Variants in ITGA8 observed in about 807,000 individuals in gnomAD.
The protein encoded by ITGA8 is integrin subunit alpha 8, also known as integrin alpha-8.
Under a neutral mutation model 142.3 loss-of-function variants are expected in ITGA8, and 91 were observed. The ratio of observed to expected loss-of-function variants is 0.64; its 90% CI spans 0.54 to 0.76. ITGA8 has a LOEUF of 0.76. ITGA8 is among the 30% of genes least tolerant of loss of function. The pLI is 0.00. For synonymous variants in ITGA8, 505 were observed against 485.2 expected (o/e 1.04, Z -0.54); for missense variants, 1,406 against 1,327.7 (o/e 1.06, Z -0.92).
intron 13 of ITGA8, among the ~76,000 whole-genome samples, chr10:15,637,504 A>T (rs893818707): frequency 6.1e-5 from 8 of 131,190 alleles, no homozygotes; most frequent in Non-Finnish European, 8.3e-5. Flanking sequence ...GACTCTTTAA[A>T]TTTTTTTTTT....
intron 26 of ITGA8, among the ~76,000 whole-genome samples, chr10:15,552,240 C>G (rs1833803954): frequency 6.6e-6 from 1 of 152,014 alleles, no homozygotes; most frequent in Non-Finnish European, 1.5e-5. Context: ...GGGTTCACGC[C>G]ATTCTCCTGC....
At chr10:15,662,179 A>T (rs961069019) in intron 8 of ITGA8, among the ~76,000 whole-genome samples, 1 of 152,128 alleles carries the variant, frequency 6.6e-6, no homozygotes, top group Non-Finnish European at 1.5e-5. Context: ...GATCCTCCTA[A>T]TTTTTTAATA....
chr10:15,557,721 C>T (rs536853055), intron 26 of ITGA8, among the ~76,000 whole-genome samples: 1 of 152,172 alleles, frequency 6.6e-6, no homozygotes, highest in Non-Finnish European at 1.5e-5. Context: ...GTGCAGAACT[C>T]CAAGGGTCCA....
intron 26 of ITGA8, 123 bp downstream of exon 26, chr10:15,557,951 G>A (rs926076649): frequency 3.3e-6 from 4 of 1,208,392 alleles, no homozygotes; most frequent in East Asian, 2.4e-5. Context: ...ACTGCCAAAC[G>A]TTAGGAATAT....
intron 28 of ITGA8, among the ~76,000 whole-genome samples, chr10:15,523,680 C>G (rs1833109732): frequency 1.3e-5 from 2 of 148,712 alleles, no homozygotes; most frequent in Admixed American, 1.4e-4. Context: ...GAGGCTGAGA[C>G]AGATGGATCA....
intron 21 of ITGA8, chr10:15,596,937 T>C: frequency 2.7e-6 from 1 of 364,422 alleles, no homozygotes; most frequent in Non-Finnish European, 4.9e-6. Context: ...AAAAACAAAG[T>C]CTGTATAAAA....
At chr10:15,674,036 A>C (rs928534850) in intron 6 of ITGA8, among the ~76,000 whole-genome samples, 7 of 151,528 alleles carry the variant, frequency 4.6e-5, no homozygotes, top group African/African-American at 1.7e-4. Flanking sequence ...TGAAAGCCAA[A>C]TTAGTCTTTG....
chr10:15,705,524 T>C (rs1588740057), intron 2 of ITGA8, among the ~76,000 whole-genome samples: 2 of 152,336 alleles, frequency 1.3e-5, no homozygotes, highest in African/African-American at 4.8e-5. Context: ...ACTCAGAAAT[T>C]GGTTCCTGAC....
intron 25 of ITGA8, among the ~76,000 whole-genome samples, chr10:15,569,269 A>G (rs1041857641): frequency 1.2e-4 from 19 of 152,322 alleles, no homozygotes; most frequent in African/African-American, 4.3e-4. Flanking sequence ...CCTCTCTTAC[A>G]GGCCCACGGT....
chr10:15,642,700 C>A (rs1833892860), intron 13 of ITGA8, among the ~76,000 whole-genome samples: 1 of 152,118 alleles, frequency 6.6e-6, no homozygotes, highest in Non-Finnish European at 1.5e-5. Flanking sequence ...CGATATAATA[C>A]CAAATCCACT....
At chr10:15,548,837 A>T (rs759583583) in intron 26 of ITGA8, among the ~76,000 whole-genome samples, 3 of 152,118 alleles carry the variant, frequency 2.0e-5, no homozygotes, top group Non-Finnish European at 2.9e-5. Context: ...GTTCTGTTTC[A>T]TTTTCTCAGA....
chr10:15,671,465 A>G (rs759333365), intron 8 of ITGA8, 138 bp downstream of exon 8: 11 of 605,348 alleles, frequency 1.8e-5, no homozygotes, highest in Non-Finnish European at 3.2e-5. Flanking sequence ...TTTTTTCTAC[A>G]AAGTATAGGC....
Position 15,630,795 on chromosome 10 carries a change from A to G in ITGA8, c.1399+13235T>C, listed in dbSNP as rs936811390. On this transcript the variant is annotated intron_variant, in intron 13 of 29. Transcript: ENST00000378076. ...CTAAACACAGGAGAAATTGACTCCA[A>G]CTAATTCATACTCCATTCCTTATAT... is the stretch of plus-strand genomic sequence containing the variant. Among the ~76,000 whole-genome samples the G allele has an allele frequency of 7.9e-5, 12 of 152,208 alleles. 1 individual carries two copies. Among genetic ancestry groups the G allele is most frequent in the African/African-American group, 2.9e-4 (12 of 41,440 alleles).
At chr10:15,681,985 G>C (rs1185731052) in intron 4 of ITGA8, among the ~76,000 whole-genome samples, 1 of 152,082 alleles carries the variant, frequency 6.6e-6, no homozygotes, top group Non-Finnish European at 1.5e-5. Context: ...ATAAACCCAA[G>C]AGCACAGCAC....
rs201156732 is a variant in ITGA8, at chr10:15,644,030, C to T, written c.1399G>A (p.Asp467Asn). The T allele has an allele frequency of 3.1e-6, 5 of 1,610,114 alleles. No homozygotes were observed. The Admixed American group carries it at 8.4e-5, about 27-fold the overall frequency. ...CGTGGGAAAAGAAAGAAAACCTTAC[C>T]TGGGTAATCATTCTTGTCTATGTCT... ...DSDIDKNDYP[D>N]LIVGAFGTGK... Residue 467 changes from aspartate to asparagine, a missense_variant and splice_region_variant, in exon 13 of 30, where the codon GAT becomes AAT. Coordinates refer to ENST00000378076, the MANE Select transcript of ITGA8 (RefSeq NM_003638.3).
In ITGA8 at chr10:15,699,252, C is replaced by G. The variant is rs1462594254; in HGVS notation, c.344-11214G>C. The stretch of plus-strand genomic sequence containing the variant: ...TGAGCTAAGATTACACCACTGTACT[C>G]TAGCCTGGGAGACAGAGTGAGACTG... On this transcript the variant is annotated intron_variant, in intron 2 of 29. Transcript: ENST00000378076. Among the ~76,000 whole-genome samples, 6 of 152,200 alleles carry G rather than the reference C, an allele frequency of 3.9e-5. No individual in the cohort carries two copies. The East Asian group carries it at 9.6e-4, about 24-fold the overall frequency.
intron 2 of ITGA8, among the ~76,000 whole-genome samples, chr10:15,711,001 C>G (rs1473737646): frequency 6.6e-6 from 1 of 152,010 alleles, no homozygotes; most frequent in Non-Finnish European, 1.5e-5. Context: ...GAAAACTGAC[C>G]AAATGTTTCT....
Position 15,659,063 on chromosome 10 carries a change from C to G in ITGA8, c.892-8G>C. ...AGAGTTAATGATGGAAACCTGAAAT[C>G]ACAGAAATTAAACAGGTTACACCAT... is the stretch of plus-strand genomic sequence containing the variant. On this transcript the variant is annotated splice_region_variant and splice_polypyrimidine_tract_variant and intron_variant, in intron 9 of 29. Coordinates refer to ENST00000378076, the MANE Select transcript of ITGA8 (RefSeq NM_003638.3). 1 of 1,600,678 alleles carries G rather than the reference C, an allele frequency of 6.2e-7. No individual in the cohort carries two copies. Among genetic ancestry groups the G allele is most frequent in the Non-Finnish European group, 8.5e-7 (1 of 1,170,604 alleles).
intron 15 of ITGA8, among the ~76,000 whole-genome samples, chr10:15,613,416 C>T (rs995532092): frequency 6.6e-6 from 1 of 152,100 alleles, no homozygotes; most frequent in African/African-American, 2.4e-5. Context: ...AGAGAAGTAG[C>T]CTTTGAATGG....
Sources: allele counts gnomAD v4.1 joint callset (sites outside exome capture counted in the v4.1 genomes callset), GRCh38; gene constraint gnomAD v4.1.1; transcripts MANE v1.5; gene names NCBI Gene and HGNC (gene_info 2026-07-23, HGNC 2026-07-21).